Variants in ABCC4 observed in about 807,000 individuals in gnomAD.
The protein encoded by ABCC4 is ATP binding cassette subfamily C member 4 (PEL blood group), also known as ATP-binding cassette sub-family C member 4.
Under a neutral mutation model 168.5 loss-of-function variants are expected in ABCC4, and 102 were observed. The ratio of observed to expected loss-of-function variants is 0.61; its 90% CI spans 0.52 to 0.71. The LOEUF is 0.71. Among genes scored for constraint, ABCC4 ranks in the 30% least tolerant of loss-of-function variants. The probability of loss-of-function intolerance (pLI) is 0.00; values close to 1 mark genes in which losing one functional copy is unlikely to be tolerated. For missense variants in ABCC4, 1,402 were observed against 1,605.8 expected (o/e 0.87, Z 2.17); for synonymous variants, 617 against 590.7 (o/e 1.04, Z -0.65).
intron 3 of ABCC4, among the ~76,000 whole-genome samples, chr13:95,239,599 C>T (rs972166772): frequency 6.6e-6 from 1 of 152,232 alleles, no homozygotes; most frequent in Middle Eastern, 3.4e-3. Context: ...ACAGCCAAAG[C>T]GTGGCACAGG....
intron 6 of ABCC4, among the ~76,000 whole-genome samples, chr13:95,209,107 C>T (rs1445010158): frequency 6.6e-6 from 1 of 152,254 alleles, no homozygotes; most frequent in East Asian, 1.9e-4. Flanking sequence ...TAGAATGGAG[C>T]CTATGAAACA....
At chr13:95,185,502 C>T (rs1197831397) in intron 11 of ABCC4, among the ~76,000 whole-genome samples, 2 of 152,212 alleles carry the variant, frequency 1.3e-5, no homozygotes, top group African/African-American at 4.8e-5. Context: ...CTCTGATATT[C>T]CAGCCATTGT....
intron 30 of ABCC4, among the ~76,000 whole-genome samples, chr13:95,026,204 A>C (rs981921365): frequency 1.3e-5 from 2 of 152,108 alleles, no homozygotes; most frequent in Non-Finnish European, 2.9e-5. Flanking sequence ...ACGCCACTGC[A>C]CTCCAGTTTG....
chr13:95,253,837 G>T (rs535683910), intron 1 of ABCC4, among the ~76,000 whole-genome samples: 4 of 152,040 alleles, frequency 2.6e-5, no homozygotes, highest in Non-Finnish European at 4.4e-5. Flanking sequence ...TACATGGAAG[G>T]TTAAGTGTTC....
At chr13:95,201,690 G>T (rs1203994631) in intron 8 of ABCC4, among the ~76,000 whole-genome samples, 2 of 152,058 alleles carry the variant, frequency 1.3e-5, no homozygotes, top group African/African-American at 4.8e-5. Flanking sequence ...AGTGTGTGAT[G>T]GGCCGGGTGC....
chr13:95,294,330 T>G (rs973267358), intron 1 of ABCC4, among the ~76,000 whole-genome samples: 1 of 151,996 alleles, frequency 6.6e-6, no homozygotes, highest in Non-Finnish European at 1.5e-5. Flanking sequence ...GCCACTGCAC[T>G]CTAGCCTGCA....
chr13:95,235,359 C>T (rs1035029901), intron 3 of ABCC4, among the ~76,000 whole-genome samples: 1 of 152,132 alleles, frequency 6.6e-6, no homozygotes, highest in Non-Finnish European at 1.5e-5. Context: ...GTGCTTGGTA[C>T]ACTGTGGGTG....
At chr13:95,136,615 A>T (rs1459421219) in intron 19 of ABCC4, among the ~76,000 whole-genome samples, 1 of 152,230 alleles carries the variant, frequency 6.6e-6, no homozygotes, top group Non-Finnish European at 1.5e-5. Flanking sequence ...ATCCAGTCTC[A>T]AATGGAAGCC....
At chr13:95,230,607 T>A (rs1042471488) in intron 4 of ABCC4, among the ~76,000 whole-genome samples, 5 of 152,190 alleles carry the variant, frequency 3.3e-5, no homozygotes, top group African/African-American at 1.2e-4. Context: ...AAACCCTGTC[T>A]CTATTAAAAA....
At position 95,247,092 on chromosome 13, in the gene ABCC4, G is replaced by A; in HGVS notation, c.189C>T (p.Phe63=). 6.2e-7 allele frequency: 1 copy of A among 1,611,666 alleles called. No individual in the cohort carries two copies. Among genetic ancestry groups the A allele is most frequent in the East Asian group, 2.2e-5 (1 of 44,870 alleles). Residue 63 remains phenylalanine, a synonymous_variant, in exon 3 of 31, where the codon TTC becomes TTT. Coordinates refer to ENST00000645237, the MANE Select transcript of ABCC4 (RefSeq NM_005845.5). ...SQHLGEELQG[F]WDKEVLRAEN... ...CAGCTCTTAAAACTTCTTTATCCCA[G>A]AACCTACAATGAGGAAAAAGCTTCG...
At chr13:95,208,677 G>A (rs2038860003) in intron 6 of ABCC4, among the ~76,000 whole-genome samples, 1 of 122,898 alleles carries the variant, frequency 8.1e-6, no homozygotes, top group Non-Finnish European at 1.6e-5. Flanking sequence ...CTGGAGTGCA[G>A]TGGCATAATA....
intron 4 of ABCC4, among the ~76,000 whole-genome samples, chr13:95,214,867 T>TA (rs1297060906): frequency 3.7e-5 from 3 of 81,286 alleles, no homozygotes; most frequent in Non-Finnish European, 2.5e-5. Context: ...GCCTGGGTGA[T>TA]AGGTGAGACT....
At chr13:95,021,874 C>T (rs948396820) in intron 30 of ABCC4, among the ~76,000 whole-genome samples, 192 bp from the exon 31 acceptor site, 1 of 152,208 alleles carries the variant, frequency 6.6e-6, no homozygotes, top group African/African-American at 2.4e-5. Context: ...CAGGGCTGGG[C>T]TGAATGCCAA....
At chr13:95,095,844 G>A in intron 20 of ABCC4, 1 of 288,098 alleles carries the variant, frequency 3.5e-6, no homozygotes, top group Non-Finnish European at 6.4e-6. Context: ...CAGAAGGAAG[G>A]TATCTGCAAT....
intron 20 of ABCC4, among the ~76,000 whole-genome samples, chr13:95,093,109 A>G (rs903165640): frequency 1.3e-5 from 2 of 152,076 alleles, no homozygotes; most frequent in Non-Finnish European, 2.9e-5. Context: ...ATTTTACCAG[A>G]CATTCAAAGA....
At chr13:95,050,894 G>C (rs2032802754) in intron 27 of ABCC4, among the ~76,000 whole-genome samples, 1 of 152,168 alleles carries the variant, frequency 6.6e-6, no homozygotes, top group Non-Finnish European at 1.5e-5. Context: ...TTTGCTCTCT[G>C]AGAATCTGTG....
chr13:95,152,787 A>C (rs1348504966), intron 19 of ABCC4, among the ~76,000 whole-genome samples: 1 of 152,190 alleles, frequency 6.6e-6, no homozygotes, highest in African/African-American at 2.4e-5. Flanking sequence ...AGTGAAAATC[A>C]GTTCTCATAT....
At chr13:95,089,454 C>T (rs2034360187) in intron 20 of ABCC4, among the ~76,000 whole-genome samples, 1 of 152,078 alleles carries the variant, frequency 6.6e-6, no homozygotes, top group Non-Finnish European at 1.5e-5. Context: ...CCCGTCTCTA[C>T]TAAAAATACA....
rs2033834871 is a variant in ABCC4, at chr13:95,074,538, A to T, written c.2807-214T>A. 2.6e-5 allele frequency among the ~76,000 whole-genome samples: 4 copies of T among 152,222 alleles called. No homozygotes were observed. The South Asian group carries it at 8.3e-4, about 32-fold the overall frequency. On this transcript the variant is annotated intron_variant, in intron 22 of 30. Transcript: ENST00000645237. ...GCTTTCTGTGAGGATGCATGCGAAT[A>T]TGAAACCCAGAAATATGATCCTAAT...
Sources: allele counts gnomAD v4.1 joint callset (sites outside exome capture counted in the v4.1 genomes callset), GRCh38; gene constraint gnomAD v4.1.1; transcripts MANE v1.5; gene names NCBI Gene and HGNC (gene_info 2026-07-23, HGNC 2026-07-21).